AVL9: variants seen among roughly 807,000 people sequenced by gnomAD.
The protein encoded by AVL9 is late secretory pathway protein AVL9 homolog.
In AVL9, 49 loss-of-function variants were observed where a neutral mutation model predicts 79.2. The ratio of observed to expected loss-of-function variants is 0.62; its 90% confidence interval spans 0.49 to 0.79. The LOEUF (loss-of-function observed/expected upper bound fraction) is 0.79, where lower values mean the gene tolerates loss of function less well. Ranked by LOEUF, AVL9 falls within the 30% of genes least tolerant of loss-of-function variation. The pLI, the probability that AVL9 is intolerant of heterozygous loss-of-function variation, is 0.00. For missense variants in AVL9, 682 were observed against 776.8 expected (o/e 0.88, Z 1.45); for synonymous variants, 299 against 280.6 (o/e 1.07, Z -0.65).
chr7:32,552,816 T>C (rs780099399), intron 6 of AVL9, among the ~76,000 whole-genome samples: 6 of 152,158 alleles, frequency 3.9e-5, no homozygotes, highest in Non-Finnish European at 8.8e-5. Context: ...GGAAGTTTTT[T>C]ATTGTTTTTT....
At chr7:32,511,075 C>A (rs1787649767) in intron 1 of AVL9, among the ~76,000 whole-genome samples, 3 of 143,400 alleles carry the variant, frequency 2.1e-5, no homozygotes, top group South Asian at 2.2e-4. Context: ...ACAGTCCTGG[C>A]ACTTCTGAAC....
intron 13 of AVL9, among the ~76,000 whole-genome samples, chr7:32,577,141 G>A (rs1791139021): frequency 6.6e-6 from 1 of 152,086 alleles, no homozygotes; most frequent in African/African-American, 2.4e-5. Flanking sequence ...AGACCATCCT[G>A]GCTAATGATG....
intron 11 of AVL9, among the ~76,000 whole-genome samples, chr7:32,572,448 C>T (rs1790897065): frequency 6.6e-6 from 1 of 150,658 alleles, no homozygotes; most frequent in Non-Finnish European, 1.5e-5. Context: ...TATTATACTT[C>T]AAAACTAACC....
chr7:32,583,997 C>A lies in AVL9; in HGVS notation c.*90C>A. 1 of 873,494 alleles carries A rather than the reference C, an allele frequency of 1.1e-6. No homozygotes were observed. Among genetic ancestry groups the A allele is most frequent in the Non-Finnish European group, 1.9e-6 (1 of 516,430 alleles). The allele number at this position is 873,494 out of a possible 1,614,324, so 54.1% of individuals were successfully genotyped here. On this transcript the variant is annotated 3_prime_UTR_variant, in exon 16 of 16. Transcript: ENST00000318709. The stretch of plus-strand genomic sequence containing the variant: ...CAGGCTGTTACTAGCCACAGATCCA[C>A]AGCAGGGGACCATATGTCGAACTGT...
At chr7:32,556,560 GA>G (rs1341044245) in intron 8 of AVL9, among the ~76,000 whole-genome samples, 2 of 125,574 alleles carry the variant, frequency 1.6e-5, no homozygotes, top group African/African-American at 5.8e-5. Flanking sequence ...CCTTCAAACA[GA>G]AAAAAAGATA....
intron 10 of AVL9, among the ~76,000 whole-genome samples, chr7:32,568,709 CA>C (rs1393047211): frequency 6.6e-6 from 1 of 152,104 alleles, no homozygotes; most frequent in Non-Finnish European, 1.5e-5. Context: ...GGCCAAAAGG[CA>C]TACATATTTA....
chr7:32,566,722 C>A (rs1236343521), intron 10 of AVL9, among the ~76,000 whole-genome samples: 4 of 148,326 alleles, frequency 2.7e-5, no homozygotes, highest in Non-Finnish European at 4.5e-5. Context: ...ACTAAAAATA[C>A]AAAAAAAGAA....
Position 32,557,721 on chromosome 7 carries a change from A to G in AVL9, c.610-838A>G, listed in dbSNP as rs77435295. ...CTCAATAGCTAATCCGTAGAATGATAAATTTCAGACATTGTGACTATCCTG... is the reference window on the plus strand; with the variant it reads ...CTCAATAGCTAATCCGTAGAATGATGAATTTCAGACATTGTGACTATCCTG... On this transcript the variant is annotated intron_variant, in intron 8 of 15. Coordinates refer to ENST00000318709, the MANE Select transcript of AVL9 (RefSeq NM_015060.3). Among the ~76,000 whole-genome samples, 4 of 152,266 alleles carry G rather than the reference A, an allele frequency of 2.6e-5. No individual in the cohort carries two copies. The East Asian group carries it at 5.8e-4, about 22-fold the overall frequency.
At chr7:32,549,394 T>A (rs1008119268) in intron 4 of AVL9, among the ~76,000 whole-genome samples, 2 of 151,508 alleles carry the variant, frequency 1.3e-5, no homozygotes, top group Non-Finnish European at 2.9e-5. Context: ...CTGGCTAATA[T>A]TTTTGTATTT....
At chr7:32,552,090 A>G in intron 5 of AVL9, 139 bp from the exon 6 acceptor site, 1 of 589,232 alleles carries the variant, frequency 1.7e-6, no homozygotes, top group Non-Finnish European at 3.1e-6. Flanking sequence ...GGTTGCAGAG[A>G]GGCTTGATTG....
chr7:32,544,831 G>C (rs1487273976), intron 3 of AVL9, 52 bp downstream of exon 3: 1 of 1,360,734 alleles, frequency 7.3e-7, no homozygotes, highest in African/African-American at 1.4e-5. Context: ...TTAGATGTTG[G>C]ACACTTAAAC....
intron 1 of AVL9, among the ~76,000 whole-genome samples, chr7:32,542,008 C>G (rs566709494): frequency 6.6e-6 from 1 of 152,146 alleles, no homozygotes; most frequent in Admixed American, 6.5e-5. Context: ...GCCACCGTGC[C>G]CAGCCAATTT....
At chr7:32,522,148 C>T (rs1256669613) in intron 1 of AVL9, among the ~76,000 whole-genome samples, 1 of 152,182 alleles carries the variant, frequency 6.6e-6, no homozygotes, top group South Asian at 2.1e-4. Flanking sequence ...TTGGAGCCCC[C>T]ACACAGAGTC....
chr7:32,580,566 C>A (rs1187647016), intron 14 of AVL9, among the ~76,000 whole-genome samples: 1 of 152,180 alleles, frequency 6.6e-6, no homozygotes, highest in Non-Finnish European at 1.5e-5. Context: ...ATCCTTATGT[C>A]CTCACCACTT....
chr7:32,500,212 T>C (rs6952501), intron 1 of AVL9, among the ~76,000 whole-genome samples: 148,636 of 152,326 alleles, frequency 0.98, 72,606 homozygotes, highest in Middle Eastern at 1. Context: ...CTTCCATCAA[T>C]AGTGTAAAAG....
chr7:32,532,202 A>C (rs1040548859), intron 1 of AVL9: 2 of 152,186 alleles, frequency 1.3e-5, no homozygotes, highest in Non-Finnish European at 2.9e-5. Context: ...TAGGCCATCA[A>C]GCTGTCCCTC....
At chr7:32,503,451 G>A (rs1299162667) in intron 1 of AVL9, among the ~76,000 whole-genome samples, 5 of 147,290 alleles carry the variant, frequency 3.4e-5, no homozygotes, top group East Asian at 4.0e-4. Context: ...CCAGCTACTC[G>A]GGAGGCTGAG....
chr7:32,509,711 C>T (rs562518405), intron 1 of AVL9, among the ~76,000 whole-genome samples: 1 of 152,088 alleles, frequency 6.6e-6, no homozygotes, highest in African/African-American at 2.4e-5. Flanking sequence ...ATTAGCCAGG[C>T]GTGGTGGCGG....
At chr7:32,562,440 G>C (rs1320186074) in intron 10 of AVL9, 1 of 160,358 alleles carries the variant, frequency 6.2e-6, no homozygotes, top group Non-Finnish European at 1.3e-5. Flanking sequence ...TAACTGTTTT[G>C]GCTAATTGTT....
Sources: gnomAD v4.1 joint callset for allele counts (sites outside exome capture counted in the v4.1 genomes callset) on GRCh38, gnomAD v4.1.1 for gene constraint, MANE v1.5 for transcripts, NCBI Gene and HGNC (gene_info 2026-07-23, HGNC 2026-07-21) for gene names.